Variants in VIPR2 observed in about 807,000 individuals in gnomAD.
The protein encoded by VIPR2 is vasoactive intestinal peptide receptor 2, also known as vasoactive intestinal polypeptide receptor 2.
VIPR2 carries 48 observed loss-of-function variants against 58.0 expected under a neutral mutation model. That is an observed-to-expected ratio of 0.83 (90% CI 0.66 to 1.05). The LOEUF is 1.05. Ranked by LOEUF, VIPR2 falls within the 50% of genes least tolerant of loss-of-function variation. VIPR2 has a pLI of 0.00. For synonymous variants in VIPR2, 243 were observed against 235.2 expected, an observed-to-expected ratio of 1.03 and a Z score of -0.30; for missense variants, 534 against 558.0, an observed-to-expected ratio of 0.96 and a Z score of 0.43.
Position 159,036,784 on chromosome 7 carries a change from C to A in VIPR2, c.716G>T (p.Arg239Met). Residue 239 changes from arginine to methionine, a missense_variant, in exon 7 of 13, where the codon AGG becomes ATG. Physicochemically the swap from Arg to Met is moderately conservative, Grantham distance 91 (BLOSUM62 -1). Around this residue, in one of 3 missense-constraint regions of VIPR2, gnomAD observed 306 missense variants for 285.8 expected, o/e 1.07. Transcript: ENST00000262178. ...GATCAGGAGGTAGGCCAGGAAGCAC[C>A]TTCTAGGGGGGAGCATGGCCACCAG... ...TLLVAMLPPR[R>M]CFLAYLLIGW... The A allele has an allele frequency of 6.2e-7, 1 of 1,613,754 alleles. No individual in the cohort carries two copies. The highest frequency in any genetic ancestry group is 8.5e-7 in the Non-Finnish European group (1 of 1,179,912).
intron 2 of VIPR2, among the ~76,000 whole-genome samples, chr7:159,138,277 C>A (rs1460178478): frequency 6.6e-6 from 1 of 152,198 alleles, no homozygotes; most frequent in African/African-American, 2.4e-5. Context: ...CAAAGAGAAA[C>A]AAGCAAGAAG....
chr7:159,104,430 G>A (rs1033471866), intron 3 of VIPR2, among the ~76,000 whole-genome samples: 3 of 150,924 alleles, frequency 2.0e-5, no homozygotes, highest in Admixed American at 6.6e-5. Flanking sequence ...TCCAGTTCCC[G>A]ACAGCACCCT....
rs769550720 is a variant in VIPR2, at chr7:159,031,822, A to G, written c.1143+6T>C. 3 of 1,613,968 alleles carry G rather than the reference A, an allele frequency of 1.9e-6. No homozygotes were observed. The highest frequency in any genetic ancestry group is 4.5e-5 in the East Asian group (2 of 44,850). On this transcript the variant is annotated splice_donor_region_variant and intron_variant, in intron 12 of 12. Transcript: ENST00000262178. This position sits in a 1 kb window ranked among gnomAD's most constrained non-coding sequence, Gnocchi z 4.0. ...GTGCTTGGTTCCAAGGCGGCCATGAACTTACCTCACTGTTCAGGAAACAGT... is the reference window on the plus strand; with the variant it reads ...GTGCTTGGTTCCAAGGCGGCCATGAGCTTACCTCACTGTTCAGGAAACAGT...
At chr7:159,049,702 T>C (rs958638714) in intron 5 of VIPR2, among the ~76,000 whole-genome samples, 2 of 152,094 alleles carry the variant, frequency 1.3e-5, no homozygotes, top group South Asian at 4.2e-4. Flanking sequence ...CAAGGGCGAG[T>C]ACTTGGGGGA....
chr7:159,072,096 G>C (rs1451833749), intron 4 of VIPR2, among the ~76,000 whole-genome samples: 1 of 148,314 alleles, frequency 6.7e-6, no homozygotes, highest in African/African-American at 2.6e-5. Context: ...GCACCTGCTG[G>C]ATGAAGGCAC....
At chr7:159,120,782 G>A (rs1796425592) in intron 2 of VIPR2, among the ~76,000 whole-genome samples, 1 of 152,132 alleles carries the variant, frequency 6.6e-6, no homozygotes. Flanking sequence ...GGGCCTTGTC[G>A]CTTCTCACCT....
At chr7:159,124,237 A>T (rs1197256556) in intron 2 of VIPR2, among the ~76,000 whole-genome samples, 1 of 152,134 alleles carries the variant, frequency 6.6e-6, no homozygotes, top group Non-Finnish European at 1.5e-5. Context: ...TGTGTTCAGG[A>T]TGCTATTGCC....
chr7:159,083,363 C>A (rs557418202), intron 4 of VIPR2, among the ~76,000 whole-genome samples: 3 of 152,358 alleles, frequency 2.0e-5, no homozygotes, highest in African/African-American at 7.2e-5. Context: ...TCTCAATGGG[C>A]GCCCAGCCCA....
At position 159,097,193 on chromosome 7, in the gene VIPR2, G is replaced by T; in HGVS notation, c.357+6564C>A. On this transcript the variant is annotated intron_variant, in intron 4 of 12. Coordinates refer to ENST00000262178, the MANE Select transcript of VIPR2 (RefSeq NM_003382.5). This position sits in a 1 kb window ranked among gnomAD's most constrained non-coding sequence, Gnocchi z 5.3. ...TTGTCACCAGGGATGGGAGCCCTGG[G>T]GAGTGAAGTTTGCCATCAGTGGGAA... The T allele has an allele frequency of 7.0e-7, 1 of 1,433,480 alleles. No homozygotes were observed. The highest frequency in any genetic ancestry group is 9.2e-7 in the Non-Finnish European group (1 of 1,089,846). 88.8% of individuals were successfully genotyped at this position (1,433,480 alleles called of 1,614,324 possible). A position where few individuals can be genotyped will look rare whatever the true frequency, so the allele number is the denominator to read the frequency against.
chr7:159,139,108 A>G (rs1451100499), intron 2 of VIPR2, among the ~76,000 whole-genome samples: 1 of 152,242 alleles, frequency 6.6e-6, no homozygotes, highest in African/African-American at 2.4e-5. Context: ...TCCTTGCTTT[A>G]GGAGTTCATT....
intron 4 of VIPR2, among the ~76,000 whole-genome samples, chr7:159,066,259 G>C (rs544751035): frequency 5.9e-5 from 9 of 151,840 alleles, no homozygotes; most frequent in African/African-American, 1.9e-4. Flanking sequence ...CAGGATGCCT[G>C]TTCCTTCACT....
chr7:159,065,158 A>G (rs1456941272), intron 4 of VIPR2, among the ~76,000 whole-genome samples: 2 of 152,182 alleles, frequency 1.3e-5, no homozygotes, highest in South Asian at 4.2e-4. Context: ...GGAAGATCTG[A>G]GAGCTGAGAG....
chr7:159,053,540 T>A (rs1185065574), intron 5 of VIPR2, among the ~76,000 whole-genome samples: 1 of 151,948 alleles, frequency 6.6e-6, no homozygotes, highest in African/African-American at 2.4e-5. Context: ...ATAGAATTTT[T>A]GTTTTTTTTG....
intron 2 of VIPR2, among the ~76,000 whole-genome samples, chr7:159,113,317 G>C (rs946480478): frequency 1.3e-5 from 2 of 152,158 alleles, no homozygotes; most frequent in Non-Finnish European, 2.9e-5. Flanking sequence ...CTGACCACCC[G>C]TGCATGCAGC....
intron 2 of VIPR2, among the ~76,000 whole-genome samples, chr7:159,135,683 C>T (rs1797186778): frequency 6.6e-6 from 1 of 151,666 alleles, no homozygotes; most frequent in African/African-American, 2.4e-5. Flanking sequence ...ATTAGCTGGG[C>T]GTGGTGACAG....
At chr7:159,143,609 A>G (rs942178684) in intron 1 of VIPR2, among the ~76,000 whole-genome samples, 2 of 152,230 alleles carry the variant, frequency 1.3e-5, no homozygotes, top group African/African-American at 4.8e-5. Context: ...TGACTGAACC[A>G]GCACCAGGCA....
intron 1 of VIPR2, chr7:159,144,423 T>A (rs1563364816): frequency 5.8e-6 from 9 of 1,546,978 alleles, no homozygotes; most frequent in Non-Finnish European, 7.9e-6. Flanking sequence ...AACGAGCTCA[T>A]CGTTGACGCG....
intron 4 of VIPR2, among the ~76,000 whole-genome samples, chr7:159,067,583 T>C (rs1856163058): frequency 6.6e-6 from 1 of 152,218 alleles, no homozygotes; most frequent in Non-Finnish European, 1.5e-5. Context: ...CTGAAGAATG[T>C]ACAATAGCTC....
chr7:159,099,768 TC>T lies in VIPR2; in HGVS notation c.357+3988del, dbSNP rs1022725444. Reference sequence around the variant, plus strand: ...CGGGGATCCCACCTGGACCTTGAAATCCCCCCCAGGCCACAGAAGCCCCTGA... The same window carrying T: ...CGGGGATCCCACCTGGACCTTGAAATCCCCCCAGGCCACAGAAGCCCCTGA... On this transcript the variant is annotated intron_variant, in intron 4 of 12. Transcript: ENST00000262178. The surrounding 1 kb of genome is among the most constrained non-coding windows in gnomAD (Gnocchi z 4.2). 6.6e-6 allele frequency among the ~76,000 whole-genome samples: 1 copy of T among 151,150 alleles called. No individual in the cohort carries two copies. Among genetic ancestry groups the T allele is most frequent in the South Asian group, 2.1e-4 (1 of 4,756 alleles).
Sources: allele counts gnomAD v4.1 joint callset (sites outside exome capture counted in the v4.1 genomes callset), GRCh38; gene constraint gnomAD v4.1.1; regional missense constraint gnomAD v4.1.1; non-coding constraint Gnocchi (gnomAD v3.1); transcripts MANE v1.5; gene names NCBI Gene and HGNC (gene_info 2026-07-23, HGNC 2026-07-21).